The following FRMD3 variants were observed in gnomAD, a reference collection of about 807,000 sequenced individuals.
The protein encoded by FRMD3 is FERM domain-containing protein 3.
Under a neutral mutation model 70.2 loss-of-function variants are expected in FRMD3, and 33 were observed. The observed-to-expected ratio is 0.47, with a 90% CI of 0.36 to 0.63. The LOEUF is 0.63. Among genes scored for constraint, FRMD3 ranks in the 20% least tolerant of loss-of-function variants. The probability of loss-of-function intolerance (pLI) is 0.00; values close to 1 mark genes in which losing one functional copy is unlikely to be tolerated. For synonymous variants in FRMD3, 279 were observed against 255.9 expected, an observed-to-expected ratio of 1.09 and a Z score of -0.86; for missense variants, 632 against 711.4, an observed-to-expected ratio of 0.89 and a Z score of 1.27.
chr9:83,251,635 G>C (rs1360429319), intron 13 of FRMD3, among the ~76,000 whole-genome samples: 1 of 152,104 alleles, frequency 6.6e-6, no homozygotes, highest in Non-Finnish European at 1.5e-5. Flanking sequence ...ACAATACAGG[G>C]GCTGATAGCC....
intron 1 of FRMD3, among the ~76,000 whole-genome samples, chr9:83,517,277 T>C (rs938617858): frequency 6.6e-6 from 1 of 151,554 alleles, no homozygotes; most frequent in African/African-American, 2.4e-5. Context: ...CAATAAAAAG[T>C]GATATAGGGA....
chr9:83,479,690 AAGAAAGAAAGAAAG>A (rs1284992381), intron 1 of FRMD3, among the ~76,000 whole-genome samples: 1,188 of 76,832 alleles, frequency 0.015, 23 homozygotes, highest in African/African-American at 0.057. Context: ...GAAAGAAAGA[AAGAAAGAAAGAAAG>A]AAAGAAAGAA....
At chr9:83,452,848 CTTTTT>C (rs11346596) in intron 1 of FRMD3, among the ~76,000 whole-genome samples, 1 of 72,364 alleles carries the variant, frequency 1.4e-5, no homozygotes, top group Non-Finnish European at 2.4e-5. Flanking sequence ...TTTTTATTGC[CTTTTT>C]TTTTTTTTTT....
At chr9:83,257,576 G>C (rs1169666917) in intron 13 of FRMD3, among the ~76,000 whole-genome samples, 1 of 151,964 alleles carries the variant, frequency 6.6e-6, no homozygotes, top group African/African-American at 2.4e-5. Context: ...CAAGTATTTT[G>C]AAATTAAAAT....
chr9:83,399,576 T>C (rs892657739), intron 1 of FRMD3, among the ~76,000 whole-genome samples: 10 of 152,210 alleles, frequency 6.6e-5, no homozygotes, highest in Non-Finnish European at 1.5e-4. Context: ...ATTTTACAAG[T>C]TGAATCTTTT....
intron 3 of FRMD3, among the ~76,000 whole-genome samples, chr9:83,354,210 G>A (rs1223023385): frequency 6.6e-6 from 1 of 152,164 alleles, no homozygotes; most frequent in East Asian, 1.9e-4. Context: ...GCAGGTGTGA[G>A]CCACTGTGCC....
chr9:83,270,269 A>G (rs1833490890), intron 13 of FRMD3, among the ~76,000 whole-genome samples: 1 of 152,264 alleles, frequency 6.6e-6, no homozygotes, highest in Non-Finnish European at 1.5e-5. Flanking sequence ...TTCCATAATG[A>G]GATGTCAGAA....
At chr9:83,541,596 A>G (rs1479536351), upstream of FRMD3, among the ~76,000 whole-genome samples, 1 of 152,200 alleles carries the variant, frequency 6.6e-6, no homozygotes, top group Non-Finnish European at 1.5e-5. Flanking sequence ...TCTTTGTAGC[A>G]AGAGATGGTT....
the FRMD3 span, among the ~76,000 whole-genome samples, chr9:83,558,717 C>A: frequency 6.6e-6 from 1 of 152,078 alleles, no homozygotes; most frequent in Admixed American, 6.5e-5. Context: ...AAAGGATTCA[C>A]CATTCTAGAT....
chr9:83,445,349 G>GATAGATAT (rs140397265), intron 1 of FRMD3, among the ~76,000 whole-genome samples: 8 of 147,826 alleles, frequency 5.4e-5, no homozygotes, highest in Admixed American at 1.4e-4. Context: ...TAAATAGATA[G>GATAGATAT]ATAGATAGAT....
At chr9:83,569,347 C>T in the FRMD3 span, among the ~76,000 whole-genome samples, 1 of 152,222 alleles carries the variant, frequency 6.6e-6, no homozygotes, top group South Asian at 2.1e-4. Context: ...AGAGATCCCT[C>T]CTCTTGCAGA....
At chr9:83,441,370 T>A (rs1279075748) in intron 1 of FRMD3, among the ~76,000 whole-genome samples, 1 of 152,198 alleles carries the variant, frequency 6.6e-6, no homozygotes, top group African/African-American at 2.4e-5. Flanking sequence ...CAGTCGAGGA[T>A]CCTGACACAT....
chr9:83,568,371 A>G, the FRMD3 span, among the ~76,000 whole-genome samples: 5 of 152,220 alleles, frequency 3.3e-5, no homozygotes, highest in Non-Finnish European at 4.4e-5. Flanking sequence ...ATGACAAATT[A>G]TGTATTAAAT....
chr9:83,367,854 C>T (rs1824839935), intron 3 of FRMD3, among the ~76,000 whole-genome samples: 1 of 152,192 alleles, frequency 6.6e-6, no homozygotes, highest in South Asian at 2.1e-4. Context: ...AGTTGTTCTG[C>T]AGGATCTGTA....
intron 1 of FRMD3, among the ~76,000 whole-genome samples, chr9:83,515,570 C>A (rs1347832158): frequency 1.3e-5 from 2 of 152,080 alleles, no homozygotes; most frequent in Non-Finnish European, 2.9e-5. Context: ...GGAGAACTTC[C>A]CCAACCTAGC....
At position 83,520,970 on chromosome 9, in the gene FRMD3, C is replaced by CAAAAAA. The variant is rs144061788; in HGVS notation, c.147+17109_147+17114dup. 2.1e-4 allele frequency among the ~76,000 whole-genome samples: 12 copies of CAAAAAA among 56,120 alleles called. 1 individual carries two copies. The highest frequency in any genetic ancestry group is 8.4e-4 in the South Asian group (1 of 1,186). The allele number at this position is 56,120 out of a possible 152,430, so 36.8% of individuals were successfully genotyped here. ...TGAAACCCTGTGTCTACTAAAAATA[C>CAAAAAA]AAAAAAAAAAAAAAAAAAAAAAGCC... On this transcript the variant is annotated intron_variant, in intron 1 of 13. Transcript: ENST00000304195.
At chr9:83,508,109 G>A (rs943236691) in intron 1 of FRMD3, among the ~76,000 whole-genome samples, 1 of 152,152 alleles carries the variant, frequency 6.6e-6, no homozygotes, top group Admixed American at 6.5e-5. Flanking sequence ...CAACAAGGAT[G>A]AATCTCACCA....
chr9:83,253,446 T>C (rs1832523614), intron 13 of FRMD3, among the ~76,000 whole-genome samples: 2 of 152,030 alleles, frequency 1.3e-5, no homozygotes, highest in Non-Finnish European at 2.9e-5. Flanking sequence ...CATCAAAAAG[T>C]GGGCAAAAGA....
chr9:83,472,551 A>G (rs1179818469), intron 1 of FRMD3, among the ~76,000 whole-genome samples: 1 of 152,162 alleles, frequency 6.6e-6, no homozygotes, highest in Non-Finnish European at 1.5e-5. Context: ...ACACCACCCA[A>G]AGGAACGCCA....
Sources: gnomAD v4.1 joint callset for allele counts (sites outside exome capture counted in the v4.1 genomes callset) on GRCh38, gnomAD v4.1.1 for gene constraint, MANE v1.5 for transcripts, NCBI Gene and HGNC (gene_info 2026-07-23, HGNC 2026-07-21) for gene names.